Variants in CAMKMT observed in about 807,000 individuals in gnomAD.
CAMKMT encodes the protein calmodulin-lysine N-methyltransferase, also known as CaM KMT.
A neutral mutation model predicts 48.0 loss-of-function variants in CAMKMT; 53 were observed. That is an observed-to-expected ratio of 1.10 (90% CI 0.89 to 1.39). CAMKMT has a LOEUF of 1.39. Ranked by LOEUF, CAMKMT falls within the 40% of genes most tolerant of loss-of-function variation. The probability of loss-of-function intolerance (pLI) is 0.00; values close to 1 mark genes in which losing one functional copy is unlikely to be tolerated. For missense variants in CAMKMT, 428 were observed against 402.7 expected (o/e 1.06, Z -0.54); for synonymous variants, 165 against 152.3 (o/e 1.08, Z -0.61).
At chr2:44,470,992 CTCTTT>C (rs1373771936) in intron 3 of CAMKMT, among the ~76,000 whole-genome samples, 2 of 112,952 alleles carry the variant, frequency 1.8e-5, no homozygotes, top group Admixed American at 1.3e-4. Flanking sequence ...CTCTCTCTCT[CTCTTT>C]TTTTTTTTTT....
chr2:44,551,358 T>G lies in CAMKMT; in HGVS notation c.377-152925T>G, dbSNP rs191521054. 2.6e-5 allele frequency among the ~76,000 whole-genome samples: 4 copies of G among 152,262 alleles called. No homozygotes were observed. In the East Asian group the frequency reaches 7.7e-4, roughly 29 times the overall value. ...TGACTCTAAGCAGATGGCTTATGCA[T>G]AAGATTGGAAGGATTGGAAGTTCTA... On this transcript the variant is annotated intron_variant, in intron 3 of 10. Transcript: ENST00000378494.
chr2:44,408,377 A>T (rs937634995), intron 3 of CAMKMT, among the ~76,000 whole-genome samples: 1 of 152,142 alleles, frequency 6.6e-6, no homozygotes, highest in African/African-American at 2.4e-5. Context: ...TAAAGTAAAG[A>T]TAATGACAAT....
At chr2:44,639,955 A>C (rs1247487819) in intron 3 of CAMKMT, among the ~76,000 whole-genome samples, 1 of 152,222 alleles carries the variant, frequency 6.6e-6, no homozygotes, top group African/African-American at 2.4e-5. Flanking sequence ...CAGTGAATGC[A>C]TGTGAATTTA....
At chr2:44,460,213 A>C (rs1667777878) in intron 3 of CAMKMT, among the ~76,000 whole-genome samples, 1 of 152,218 alleles carries the variant, frequency 6.6e-6, no homozygotes, top group African/African-American at 2.4e-5. Context: ...AGGGAAAAAA[A>C]GCCATGGCTA....
At chr2:44,729,007 AT>A in intron 7 of CAMKMT, among the ~76,000 whole-genome samples, 1 of 148,484 alleles carries the variant, frequency 6.7e-6, no homozygotes, top group Admixed American at 6.7e-5. Flanking sequence ...ACAATACAAC[AT>A]GTCTTTTGTT....
chr2:44,694,495 C>G (rs1317099360), intron 3 of CAMKMT, among the ~76,000 whole-genome samples: 2 of 152,176 alleles, frequency 1.3e-5, no homozygotes, highest in Non-Finnish European at 2.9e-5. Flanking sequence ...CCTAGGAAGT[C>G]AAGGCTGCAG....
intron 3 of CAMKMT, among the ~76,000 whole-genome samples, chr2:44,665,745 C>A (rs546934342): frequency 6.6e-6 from 1 of 152,190 alleles, no homozygotes; most frequent in South Asian, 2.1e-4. Flanking sequence ...ATTTATATTC[C>A]CTGTAAGTGT....
intron 3 of CAMKMT, among the ~76,000 whole-genome samples, chr2:44,401,579 A>G (rs572877588): frequency 6.6e-6 from 1 of 152,276 alleles, no homozygotes; most frequent in East Asian, 1.9e-4. Context: ...TAAAATTTAA[A>G]ATAGCTACAT....
At chr2:44,665,207 A>C (rs552308801) in intron 3 of CAMKMT, among the ~76,000 whole-genome samples, 2 of 152,152 alleles carry the variant, frequency 1.3e-5, no homozygotes, top group East Asian at 3.9e-4. Flanking sequence ...AGTAGCTGGG[A>C]TTACAGGCAC....
At chr2:44,682,518 A>T (rs1298722138) in intron 3 of CAMKMT, among the ~76,000 whole-genome samples, 2 of 152,236 alleles carry the variant, frequency 1.3e-5, no homozygotes, top group Non-Finnish European at 2.9e-5. Context: ...CTAATCAATC[A>T]GTGTATCAAC....
At chr2:44,573,558 C>G (rs1317532611) in intron 3 of CAMKMT, among the ~76,000 whole-genome samples, 2 of 151,898 alleles carry the variant, frequency 1.3e-5, no homozygotes, top group East Asian at 3.8e-4. Context: ...ACTGCCTGTG[C>G]TTTTGGTGTC....
chr2:44,567,170 C>G (rs976788166), intron 3 of CAMKMT, among the ~76,000 whole-genome samples: 10 of 152,134 alleles, frequency 6.6e-5, no homozygotes, highest in African/African-American at 2.4e-4. Flanking sequence ...AATGGAGGAA[C>G]AGGAATTTTT....
chr2:44,408,823 C>A (rs912727194), intron 3 of CAMKMT, among the ~76,000 whole-genome samples: 1 of 151,658 alleles, frequency 6.6e-6, no homozygotes, highest in Admixed American at 6.6e-5. Context: ...CTCACTGCAG[C>A]CTCAACTTTC....
At chr2:44,732,590 C>T (rs1679137300) in intron 7 of CAMKMT, among the ~76,000 whole-genome samples, 1 of 152,158 alleles carries the variant, frequency 6.6e-6, no homozygotes, top group African/African-American at 2.4e-5. Context: ...GTTTAAAAAA[C>T]AGTTTTGTAG....
chr2:44,585,288 C>G (rs1273077079), intron 3 of CAMKMT, among the ~76,000 whole-genome samples: 1 of 152,124 alleles, frequency 6.6e-6, no homozygotes, highest in Non-Finnish European at 1.5e-5. Context: ...TGTACCAGAT[C>G]GATTTAATTT....
At chr2:44,407,740 G>C (rs767743301) in intron 3 of CAMKMT, among the ~76,000 whole-genome samples, 3 of 152,168 alleles carry the variant, frequency 2.0e-5, no homozygotes, top group African/African-American at 4.8e-5. Context: ...AGGCAAGAGG[G>C]CATCTTGGGT....
chr2:44,706,391 A>T, intron 5 of CAMKMT, 50 bp downstream of exon 5: 1 of 1,586,390 alleles, frequency 6.3e-7, no homozygotes, highest in East Asian at 2.2e-5. Context: ...AACAAAAGGA[A>T]AAATGTTCCA....
chr2:44,632,007 C>T (rs1002708608), intron 3 of CAMKMT, among the ~76,000 whole-genome samples: 21 of 152,088 alleles, frequency 1.4e-4, no homozygotes, highest in African/African-American at 4.1e-4. Context: ...ATGCTGTTAT[C>T]GTACATTTTA....
chr2:44,599,937 C>T (rs899578760), intron 3 of CAMKMT, among the ~76,000 whole-genome samples: 1 of 151,776 alleles, frequency 6.6e-6, no homozygotes, highest in Non-Finnish European at 1.5e-5. Context: ...CGATTTGGTA[C>T]TCTATGGACT....
Sources: gnomAD v4.1 joint callset for allele counts (sites outside exome capture counted in the v4.1 genomes callset) on GRCh38, gnomAD v4.1.1 for gene constraint, MANE v1.5 for transcripts, NCBI Gene and HGNC (gene_info 2026-07-23, HGNC 2026-07-21) for gene names.